Variants in IRAG2 observed in about 807,000 individuals in gnomAD.
IRAG2 encodes inositol 1,4,5-triphosphate receptor associated 2, also known as lymphoid restricted membrane protein.
A neutral mutation model predicts 69.9 loss-of-function variants in IRAG2; 45 were observed. The observed-to-expected ratio is 0.64, with a 90% CI of 0.51 to 0.83. The LOEUF is 0.83. Ranked by LOEUF, IRAG2 falls within the 40% of genes least tolerant of loss-of-function variation. The pLI, the probability that IRAG2 is intolerant of heterozygous loss-of-function variation, is 0.00. For synonymous variants in IRAG2, 193 were observed against 202.4 expected (o/e 0.95, Z 0.40); for missense variants, 520 against 587.0 (o/e 0.89, Z 1.18).
At chr12:25,090,305 A>G (rs922122718) in intron 14 of IRAG2, 108 bp downstream of exon 14, 2 of 1,011,924 alleles carry the variant, frequency 2.0e-6, no homozygotes, top group Admixed American at 2.5e-5. Flanking sequence ...ATCATGGGAG[A>G]CCAAGGCAGG....
intron 15 of IRAG2, among the ~76,000 whole-genome samples, chr12:25,037,087 G>C (rs1374792712): frequency 6.6e-6 from 1 of 152,044 alleles, no homozygotes; most frequent in Non-Finnish European, 1.5e-5. Flanking sequence ...GGAACTTGCA[G>C]AACATTGGAA....
intron 14 of IRAG2, chr12:25,093,528 G>A (rs888790857): frequency 1.3e-5 from 2 of 152,950 alleles, no homozygotes; most frequent in African/African-American, 4.8e-5. Context: ...TTTTCTTCCT[G>A]GCTTTTTGCA....
chr12:25,019,327 A>T (rs1944557584), intron 6 of IRAG2, among the ~76,000 whole-genome samples: 1 of 152,206 alleles, frequency 6.6e-6, no homozygotes, highest in Non-Finnish European at 1.5e-5. Context: ...CTTGTCCAAC[A>T]TCCAGGAAGA....
chr12:25,101,986 T>C (rs1325596595), intron 16 of IRAG2: 9 of 680,598 alleles, frequency 1.3e-5, no homozygotes, highest in Non-Finnish European at 2.4e-5. Context: ...ATTATGGACA[T>C]CACAGTGACA....
At chr12:25,004,159 A>G (rs907352562), upstream of IRAG2, among the ~76,000 whole-genome samples, 1 of 152,238 alleles carries the variant, frequency 6.6e-6, no homozygotes, top group African/African-American at 2.4e-5. Flanking sequence ...TGAGGGCCAA[A>G]GTTAAATGCA....
Position 25,052,711 on chromosome 12 carries a change from T to C in IRAG2, c.-692T>C. 1 of 398,250 alleles carries C rather than the reference T, an allele frequency of 2.5e-6. No homozygotes were observed. Among genetic ancestry groups the C allele is most frequent in the Non-Finnish European group, 4.4e-6 (1 of 226,024 alleles). 24.7% of individuals were successfully genotyped at this position (398,250 alleles called of 1,614,324 possible). A position where few individuals can be genotyped will look rare whatever the true frequency, so the allele number is the denominator to read the frequency against. On this transcript the variant is annotated 5_prime_UTR_variant, in exon 1 of 22. Transcript: ENST00000556887. ...GAGAAGAAAAACACATTTTCAGTTT[T>C]GCCTGCATCATAAGAGTGAGCACTC... is the stretch of plus-strand genomic sequence containing the variant.
intron 6 of IRAG2, among the ~76,000 whole-genome samples, chr12:25,018,322 C>T (rs755866894): frequency 1.3e-5 from 2 of 151,768 alleles, no homozygotes; most frequent in East Asian, 3.9e-4. Context: ...GGCCTCACCC[C>T]CCACCCCTCA....
intron 6 of IRAG2, among the ~76,000 whole-genome samples, chr12:25,077,123 C>T (rs1369826948): frequency 7.1e-6 from 1 of 140,670 alleles, no homozygotes; most frequent in Non-Finnish European, 1.5e-5. Context: ...TCCACTGCAG[C>T]CTTCCAAAGT....
intron 20 of IRAG2, among the ~76,000 whole-genome samples, chr12:25,105,082 T>G (rs998757068): frequency 1.8e-4 from 26 of 146,000 alleles, no homozygotes; most frequent in African/African-American, 5.6e-4. Context: ...TTTTTTTTTT[T>G]TTTTTTTTTT....
At chr12:25,025,625 T>C (rs1000382780) in intron 8 of IRAG2, among the ~76,000 whole-genome samples, 1 of 152,214 alleles carries the variant, frequency 6.6e-6, no homozygotes, top group Non-Finnish European at 1.5e-5. Context: ...CTGCTGGGTT[T>C]AGAATCCATT....
intron 16 of IRAG2, among the ~76,000 whole-genome samples, chr12:25,042,038 T>C (rs1944755431): frequency 6.6e-6 from 1 of 152,046 alleles, no homozygotes; most frequent in Non-Finnish European, 1.5e-5. Context: ...ATATAAAATA[T>C]TTCATGATTA....
In IRAG2 at chr12:25,097,260, A is replaced by C. The variant is rs185177662; in HGVS notation, c.741+216A>C. On this transcript the variant is annotated intron_variant, in intron 15 of 21. Transcript: ENST00000556887. ...TAATACGATCCAGTGACAATCATAA[A>C]ATTTTTGTGATATATTCTTCAAGAT... The C allele has an allele frequency of 6.7e-5, 29 of 434,642 alleles. No homozygotes were observed. In the Admixed American group the frequency reaches 7.6e-4, roughly 11 times the overall value. The allele number at this position is 434,642 out of a possible 1,614,324, so 26.9% of individuals were successfully genotyped here. A position where few individuals can be genotyped will look rare whatever the true frequency, so the allele number is the denominator to read the frequency against.
intron 1 of IRAG2, among the ~76,000 whole-genome samples, 185 bp downstream of exon 1, chr12:25,053,141 G>C (rs1178273014): frequency 6.6e-6 from 1 of 151,918 alleles, no homozygotes; most frequent in Non-Finnish European, 1.5e-5. Context: ...TGCATGCATG[G>C]GTTTAACCAT....
chr12:25,020,541 TA>T (rs1481403420), intron 6 of IRAG2, among the ~76,000 whole-genome samples: 1 of 152,228 alleles, frequency 6.6e-6, no homozygotes, highest in Non-Finnish European at 1.5e-5. Context: ...AGGGATCCTC[TA>T]AATCTTTAGC....
At position 25,101,199 on chromosome 12, in the gene IRAG2, G is replaced by T; in HGVS notation, c.763G>T (p.Val255Phe). The change falls in exon 16 of 22, where the codon GTT (valine) becomes TTT (phenylalanine). Residue 255 changes from valine to phenylalanine, a missense_variant. By Grantham distance (50) the Val-to-Phe change is conservative. Coordinates refer to ENST00000556887, the MANE Select transcript of IRAG2 (RefSeq NM_001366544.2). The part of the protein sequence containing the change: ...INQESRVSKA[V>F]EVMIQHVENL... ...CTAGGAAAGCCGGGTTAGTAAAGCA[G>T]TTGAAGTGATGATTCAGCACGTAGA... The T allele has an allele frequency of 6.2e-7, 1 of 1,608,718 alleles. No individual in the cohort carries two copies. Among genetic ancestry groups the T allele is most frequent in the Non-Finnish European group, 8.5e-7 (1 of 1,177,098 alleles).
chr12:25,033,458 C>T (rs1222254352), intron 12 of IRAG2, among the ~76,000 whole-genome samples: 1 of 152,182 alleles, frequency 6.6e-6, no homozygotes, highest in Non-Finnish European at 1.5e-5. Flanking sequence ...GAGATAAGTG[C>T]ATTACCGATA....
intron 8 of IRAG2, among the ~76,000 whole-genome samples, chr12:25,024,416 G>C (rs1192414337): frequency 6.6e-6 from 1 of 152,144 alleles, no homozygotes; most frequent in Non-Finnish European, 1.5e-5. Context: ...CCACAATGTA[G>C]CTTATAAATG....
chr12:25,023,640 T>C (rs929328220), intron 7 of IRAG2, among the ~76,000 whole-genome samples: 1 of 152,204 alleles, frequency 6.6e-6, no homozygotes, highest in African/African-American at 2.4e-5. Flanking sequence ...TTTTCCTCCC[T>C]AACAACCATA....
chr12:25,020,122 C>T (rs1591926993), intron 6 of IRAG2, among the ~76,000 whole-genome samples: 1 of 152,174 alleles, frequency 6.6e-6, no homozygotes, highest in South Asian at 2.1e-4. Context: ...ATTGTATCTC[C>T]TTTGAAGGCT....
Sources: gnomAD v4.1 joint callset for allele counts (sites outside exome capture counted in the v4.1 genomes callset) on GRCh38, gnomAD v4.1.1 for gene constraint, MANE v1.5 for transcripts, NCBI Gene and HGNC (gene_info 2026-07-23, HGNC 2026-07-21) for gene names.